Variants in CLEC18A observed in about 807,000 individuals in gnomAD.
The protein encoded by CLEC18A is mannose receptor-like 1.
In CLEC18A, 5 loss-of-function variants were observed where a neutral mutation model predicts 24.0. The ratio of observed to expected loss-of-function variants is 0.21; its 90% confidence interval spans 0.11 to 0.44. The LOEUF is 0.44. Ranked by LOEUF, CLEC18A falls within the 20% of genes least tolerant of loss-of-function variation. The probability of loss-of-function intolerance (pLI) is 0.99; values close to 1 mark genes in which losing one functional copy is unlikely to be tolerated. For missense variants in CLEC18A, 83 were observed against 233.4 expected (o/e 0.36, Z 4.20); for synonymous variants, 29 against 100.1 (o/e 0.29, Z 4.24).
At chr16:69,955,993 C>A (rs924308404) in intron 3 of CLEC18A, among the ~76,000 whole-genome samples, 4 of 152,030 alleles carry the variant, frequency 2.6e-5, no homozygotes, top group African/African-American at 9.7e-5. Context: ...CGCCCGTAAT[C>A]CCAGCACTTT....
At chr16:69,954,965 G>T (rs1311533622) in intron 3 of CLEC18A, among the ~76,000 whole-genome samples, 1 of 151,970 alleles carries the variant, frequency 6.6e-6, no homozygotes, top group Non-Finnish European at 1.5e-5. Flanking sequence ...CTCCCAAAGT[G>T]CTGGGATTAC....
At chr16:69,955,498 G>C (rs546540938) in intron 3 of CLEC18A, among the ~76,000 whole-genome samples, 2 of 151,112 alleles carry the variant, frequency 1.3e-5, no homozygotes, top group African/African-American at 4.9e-5. Flanking sequence ...CTACAGGCAC[G>C]AGCCACCACA....
At chr16:69,964,607 G>C (rs1211098353), downstream of CLEC18A, among the ~76,000 whole-genome samples, 5 of 149,902 alleles carry the variant, frequency 3.3e-5, no homozygotes, top group East Asian at 2.0e-4. Flanking sequence ...TCACGCCATT[G>C]TCCTGCCTCA....
chr16:69,963,715 T>C lies in CLEC18A; in HGVS notation c.*104T>C, dbSNP rs558734980. On this transcript the variant is annotated 3_prime_UTR_variant, in exon 12 of 12. Transcript: ENST00000288040. ...GGCCAGGTTAAGATCACATGCCTCA[T>C]GTCCAAAGAGGTCTCAGACCTTGCA... 43 of 1,217,460 alleles carry C rather than the reference T, an allele frequency of 3.5e-5. 5 individuals carry two copies. The highest frequency in any genetic ancestry group is 4.3e-5 in the Non-Finnish European group (37 of 861,178). 75.4% of individuals were successfully genotyped at this position (1,217,460 alleles called of 1,614,324 possible).
chr16:69,953,896 G>T (rs1317105636), intron 2 of CLEC18A: 2 of 299,386 alleles, frequency 6.7e-6, no homozygotes, highest in Admixed American at 4.7e-5. Flanking sequence ...GCTCCTGGGG[G>T]CAGGAGACTA....
the CLEC18A span, among the ~76,000 whole-genome samples, chr16:69,944,248 A>G: frequency 7.5e-4 from 104 of 137,930 alleles, 1 homozygote; most frequent in African/African-American, 2.4e-3. Context: ...GTGAGCCAAA[A>G]CCGCACCACT....
downstream of CLEC18A, among the ~76,000 whole-genome samples, chr16:69,964,723 T>G (rs1461516962): frequency 2.4e-3 from 365 of 151,350 alleles, 2 homozygotes; most frequent in African/African-American, 8.1e-3. Context: ...CAGGATGGTA[T>G]CGATCTCCCG....
intron 10 of CLEC18A, 29 bp from the exon 11 acceptor site, chr16:69,962,947 C>T: frequency 1.4e-6 from 2 of 1,441,078 alleles, no homozygotes; most frequent in Non-Finnish European, 1.9e-6. Context: ...TTCACTCTTG[C>T]CTCCTGACCA....
At chr16:69,953,419 G>A (rs994241679) in intron 2 of CLEC18A, 6 of 151,160 alleles carry the variant, frequency 4.0e-5, no homozygotes, top group Non-Finnish European at 8.9e-5. Flanking sequence ...TATCCTGCAG[G>A]CACCTCCCTG....
chr16:69,964,517 T>G (rs2152022270), downstream of CLEC18A: 1 of 137,210 alleles, frequency 7.3e-6, no homozygotes, highest in Non-Finnish European at 1.6e-5. Flanking sequence ...TTTTTTTTTT[T>G]GAGACGGAGT....
chr16:69,943,976 A>G, the CLEC18A span, among the ~76,000 whole-genome samples: 1 of 133,620 alleles, frequency 7.5e-6, no homozygotes, highest in African/African-American at 2.5e-5. Context: ...ACAAGGTACC[A>G]ACTTCCGTAA....
chr16:69,955,514 C>T (rs1332489092), intron 3 of CLEC18A, among the ~76,000 whole-genome samples: 3 of 151,122 alleles, frequency 2.0e-5, no homozygotes, highest in African/African-American at 7.3e-5. Flanking sequence ...CCACACCCCA[C>T]TAATTTTTGT....
At chr16:69,964,983 G>A (rs867295396), downstream of CLEC18A, among the ~76,000 whole-genome samples, 2 of 151,826 alleles carry the variant, frequency 1.3e-5, no homozygotes, top group African/African-American at 2.4e-5. Context: ...TGTGTTTTTT[G>A]TAGGGACGGG....
intron 3 of CLEC18A, among the ~76,000 whole-genome samples, chr16:69,956,119 C>T (rs1277980662): frequency 2.7e-5 from 4 of 150,120 alleles, no homozygotes; most frequent in African/African-American, 7.4e-5. Flanking sequence ...TGATGGTGTG[C>T]GCCTGTAGTT....
chr16:69,966,099 GT>G (rs1246218655), downstream of CLEC18A, among the ~76,000 whole-genome samples: 5 of 98,618 alleles, frequency 5.1e-5, no homozygotes, highest in Non-Finnish European at 9.9e-5. Flanking sequence ...CAGTATGCCT[GT>G]TATCTGTGGC....
intron 3 of CLEC18A, among the ~76,000 whole-genome samples, chr16:69,955,863 C>T (rs1466857532): frequency 4.8e-3 from 681 of 140,932 alleles, no homozygotes; most frequent in African/African-American, 0.021. Context: ...ACACACCTGG[C>T]GCTCTTCAGA....
chr16:69,953,197 A>AG (rs1335688442), intron 2 of CLEC18A: 1 of 152,422 alleles, frequency 6.6e-6, no homozygotes, highest in African/African-American at 2.4e-5. Context: ...CCGGGCCTCT[A>AG]GGGCTCCAGG....
At chr16:69,963,129 GTCCAGCC>G in intron 11 of CLEC18A, 62 bp downstream of exon 11, 1 of 1,612,434 alleles carries the variant, frequency 6.2e-7, no homozygotes, top group South Asian at 1.1e-5. Flanking sequence ...TGCTGACCCG[GTCCAGCC>G]TGCAAGGGTA....
chr16:69,964,756 G>A (rs1959311673), downstream of CLEC18A, among the ~76,000 whole-genome samples: 1 of 151,560 alleles, frequency 6.6e-6, no homozygotes, highest in Non-Finnish European at 1.5e-5. Context: ...ACCCGCCTCG[G>A]CCTCCCAAAG....
Sources: gnomAD v4.1 joint callset for allele counts (sites outside exome capture counted in the v4.1 genomes callset) on GRCh38, gnomAD v4.1.1 for gene constraint, MANE v1.5 for transcripts, NCBI Gene and HGNC (gene_info 2026-07-23, HGNC 2026-07-21) for gene names.